The following ANKRD44 variants were observed in gnomAD, a reference collection of about 807,000 sequenced individuals.
ANKRD44 encodes serine/threonine-protein phosphatase 6 regulatory ankyrin repeat subunit B.
In ANKRD44, 35 loss-of-function variants were observed where a neutral mutation model predicts 116.0. The ratio of observed to expected loss-of-function variants is 0.30; its 90% CI spans 0.23 to 0.40. ANKRD44 has a LOEUF of 0.40. Among genes scored for constraint, ANKRD44 ranks in the 10% least tolerant of loss-of-function variants. The pLI, the probability that ANKRD44 is intolerant of heterozygous loss-of-function variation, is 1.00. For synonymous variants in ANKRD44, 435 were observed against 461.8 expected (o/e 0.94, Z 0.74); for missense variants, 1,014 against 1,242.6 (o/e 0.82, Z 2.77).
intron 1 of ANKRD44, among the ~76,000 whole-genome samples, chr2:197,260,453 G>A (rs2082570235): frequency 6.6e-6 from 1 of 152,132 alleles, no homozygotes; most frequent in Non-Finnish European, 1.5e-5. Flanking sequence ...TGGTGTATAT[G>A]TGCCACATTT....
At chr2:197,047,878 C>G (rs1004739728) in intron 16 of ANKRD44, among the ~76,000 whole-genome samples, 2 of 150,914 alleles carry the variant, frequency 1.3e-5, no homozygotes, top group African/African-American at 2.4e-5. Flanking sequence ...CCATTGCACT[C>G]TAGCCTGGGC....
At chr2:197,066,515 T>A (rs1559035108) in intron 16 of ANKRD44, among the ~76,000 whole-genome samples, 2 of 152,206 alleles carry the variant, frequency 1.3e-5, no homozygotes, top group African/African-American at 4.8e-5. Context: ...TGTTTGCAGA[T>A]AACATGATTG....
chr2:197,103,070 A>C (rs1284096277), intron 9 of ANKRD44, among the ~76,000 whole-genome samples: 2 of 151,790 alleles, frequency 1.3e-5, no homozygotes, highest in African/African-American at 4.9e-5. Flanking sequence ...TCTACCAAAA[A>C]CACAAAAAAT....
intron 26 of ANKRD44, 89 bp downstream of exon 26, chr2:196,995,290 G>T (rs2075992981): frequency 2.3e-6 from 2 of 881,152 alleles, no homozygotes; most frequent in African/African-American, 1.7e-5. Flanking sequence ...GCTCCCCAGA[G>T]CTAGTCTGGC....
chr2:197,180,754 A>G (rs1350117299), intron 2 of ANKRD44, among the ~76,000 whole-genome samples: 5 of 152,202 alleles, frequency 3.3e-5, no homozygotes, highest in African/African-American at 1.2e-4. Context: ...ACTTAGAGAA[A>G]AACTTAAAGA....
chr2:197,134,843 T>C (rs2079180649), intron 4 of ANKRD44: 1 of 152,176 alleles, frequency 6.6e-6, no homozygotes, highest in African/African-American at 2.4e-5. Context: ...TTAAATTTAC[T>C]AAAGACCAAG....
At chr2:197,069,197 G>A (rs867282413) in intron 16 of ANKRD44, among the ~76,000 whole-genome samples, 24 of 151,564 alleles carry the variant, frequency 1.6e-4, no homozygotes, top group South Asian at 8.3e-4. Context: ...CTATCACAAG[G>A]AGAAAAAAAC....
chr2:197,128,421 G>C (rs1479764891), intron 4 of ANKRD44, among the ~76,000 whole-genome samples: 1 of 151,964 alleles, frequency 6.6e-6, no homozygotes, highest in Non-Finnish European at 1.5e-5. Flanking sequence ...CATGTTTGTT[G>C]GCTGCATGAA....
intron 25 of ANKRD44, 134 bp downstream of exon 25, chr2:196,998,203 A>T: frequency 1.5e-6 from 1 of 655,502 alleles, no homozygotes; most frequent in Non-Finnish European, 2.6e-6. Flanking sequence ...TTCCACTTTC[A>T]GTTGACAAGA....
At chr2:197,121,729 G>C (rs1050546045) in intron 7 of ANKRD44, among the ~76,000 whole-genome samples, 185 bp from the exon 8 acceptor site, 2 of 152,230 alleles carry the variant, frequency 1.3e-5, no homozygotes, top group African/African-American at 4.8e-5. Context: ...GTAAAGATCA[G>C]CAAAAAGTCA....
At chr2:197,081,854 T>C in intron 14 of ANKRD44, 129 bp from the exon 15 acceptor site, 1 of 689,792 alleles carries the variant, frequency 1.4e-6, no homozygotes, top group South Asian at 1.8e-5. Context: ...GCACCACTGA[T>C]TTTCATTGAA....
chr2:197,006,934 A>C (rs2076212441), intron 20 of ANKRD44, among the ~76,000 whole-genome samples: 1 of 152,232 alleles, frequency 6.6e-6, no homozygotes, highest in Non-Finnish European at 1.5e-5. Context: ...GCAAAACCCC[A>C]TCTCAACAGA....
intron 1 of ANKRD44, among the ~76,000 whole-genome samples, chr2:197,256,666 A>T (rs924760292): frequency 6.6e-6 from 1 of 152,234 alleles, no homozygotes; most frequent in African/African-American, 2.4e-5. Flanking sequence ...TGTATATACA[A>T]ATACATTAAT....
chr2:197,078,543 A>G, intron 16 of ANKRD44, 160 bp downstream of exon 16: 2 of 1,490,932 alleles, frequency 1.3e-6, no homozygotes, highest in Non-Finnish European at 1.8e-6. Context: ...GGTGCAGTAG[A>G]AAAAACACTT....
At chr2:196,981,731 A>C (rs559776484), downstream of ANKRD44, among the ~76,000 whole-genome samples, 1 of 152,204 alleles carries the variant, frequency 6.6e-6, no homozygotes, top group Non-Finnish European at 1.5e-5. Context: ...GTGAGCTGAG[A>C]TCGCACCATT....
chr2:197,250,771 T>C (rs991865886), intron 1 of ANKRD44: 2 of 152,188 alleles, frequency 1.3e-5, no homozygotes, highest in Non-Finnish European at 2.9e-5. Context: ...GTGGTAGAAA[T>C]AGGATTTAAA....
At chr2:197,283,772 A>G (rs2083329938) in intron 1 of ANKRD44, among the ~76,000 whole-genome samples, 1 of 152,152 alleles carries the variant, frequency 6.6e-6, no homozygotes, top group Non-Finnish European at 1.5e-5. Context: ...TCATGTTTGT[A>G]GCATAAAGAA....
chr2:197,025,886 G>A (rs927718617), intron 16 of ANKRD44, among the ~76,000 whole-genome samples: 3 of 152,120 alleles, frequency 2.0e-5, no homozygotes, highest in Admixed American at 1.3e-4. Flanking sequence ...GGACAAACAT[G>A]GTAAGATCAA....
intron 1 of ANKRD44, among the ~76,000 whole-genome samples, chr2:197,211,927 A>G (rs1446482611): frequency 6.6e-6 from 1 of 152,026 alleles, no homozygotes; most frequent in East Asian, 1.9e-4. Context: ...CGGGACTCCA[A>G]TCACTTTGCC....
Sources: gnomAD v4.1 joint callset for allele counts (sites outside exome capture counted in the v4.1 genomes callset) on GRCh38, gnomAD v4.1.1 for gene constraint, MANE v1.5 for transcripts, NCBI Gene and HGNC (gene_info 2026-07-23, HGNC 2026-07-21) for gene names.